Variants in LSAMP observed in about 807,000 individuals in gnomAD.
LSAMP encodes the protein limbic system-associated membrane protein.
Under a neutral mutation model 38.6 loss-of-function variants are expected in LSAMP, and 7 were observed. The ratio of observed to expected loss-of-function variants is 0.18; its 90% confidence interval spans 0.10 to 0.34. The LOEUF (loss-of-function observed/expected upper bound fraction) is 0.34. Ranked by LOEUF, LSAMP falls within the 10% of genes least tolerant of loss-of-function variation. LSAMP has a pLI of 1.00. For missense variants in LSAMP, 313 were observed against 420.0 expected, an observed-to-expected ratio of 0.75 and a Z score of 2.23; for synonymous variants, 154 against 166.8, an observed-to-expected ratio of 0.92 and a Z score of 0.59.
At position 116,325,580 on chromosome 3, in the gene LSAMP, T is replaced by C. The variant is rs180817824; in HGVS notation, c.155+119297A>G. ...GAACTTCCAAAGCTGAAATGACATA[T>C]ATAACAGGAACAAACAGAAGATCTC... On this transcript the variant is annotated intron_variant, in intron 1 of 6. Coordinates refer to ENST00000490035, the MANE Select transcript of LSAMP (RefSeq NM_002338.5). Among the ~76,000 whole-genome samples the C allele has an allele frequency of 2.3e-3, 345 of 152,290 alleles. 2 individuals are homozygous for C. The highest frequency in any genetic ancestry group is 3.8e-3 in the Non-Finnish European group (261 of 68,012).
Position 116,327,447 on chromosome 3 carries a change from G to C in LSAMP, c.155+117430C>G, listed in dbSNP as rs192507011. On this transcript the variant is annotated intron_variant, in intron 1 of 6. Transcript: ENST00000490035. Reference sequence around the variant, plus strand: ...CTTCACCAAAACATTACCTTCTTCAGGATTTTATCCTCTAAATCTCTGTTA... The same window carrying C: ...CTTCACCAAAACATTACCTTCTTCACGATTTTATCCTCTAAATCTCTGTTA... Among the ~76,000 whole-genome samples, 589 of 151,894 alleles carry C rather than the reference G, an allele frequency of 3.9e-3. 4 individuals are homozygous for C. Among genetic ancestry groups the C allele is most frequent in the African/African-American group, 0.013 (558 of 41,422 alleles).
At chr3:116,303,235 T>G (rs2047438266) in intron 1 of LSAMP, among the ~76,000 whole-genome samples, 1 of 152,186 alleles carries the variant, frequency 6.6e-6, no homozygotes, top group South Asian at 2.1e-4. Context: ...TTACTTCCTA[T>G]AGAAGATATT....
chr3:116,366,802 A>G (rs973214601), intron 1 of LSAMP, among the ~76,000 whole-genome samples: 1 of 152,170 alleles, frequency 6.6e-6, no homozygotes, highest in Non-Finnish European at 1.5e-5. Flanking sequence ...GCTATGTACA[A>G]AAGAGAAGGG....
intron 3 of LSAMP, among the ~76,000 whole-genome samples, chr3:115,854,276 A>ATTTTTTT (rs1272758193): frequency 1.4e-4 from 17 of 119,596 alleles, no homozygotes; most frequent in Non-Finnish European, 2.2e-4. Context: ...TATTATTATT[A>ATTTTTTT]TTATTATTTT....
At chr3:116,226,051 C>T (rs539452055) in intron 1 of LSAMP, among the ~76,000 whole-genome samples, 3 of 152,180 alleles carry the variant, frequency 2.0e-5, no homozygotes, top group African/African-American at 7.2e-5. Flanking sequence ...CTTCCTTTTC[C>T]TCAGGTTAAA....
At chr3:115,986,770 T>C (rs981590333) in intron 3 of LSAMP, among the ~76,000 whole-genome samples, 27 of 152,012 alleles carry the variant, frequency 1.8e-4, no homozygotes, top group Admixed American at 1.8e-3. Flanking sequence ...CACCACTAGG[T>C]GGGAGGAGGG....
intron 2 of LSAMP, among the ~76,000 whole-genome samples, chr3:116,075,138 A>ATT (rs71297430): frequency 0.25 from 29,993 of 118,118 alleles, 3,961 homozygotes; most frequent in Admixed American, 0.29. Context: ...GCACCCAGCC[A>ATT]TTTTTTTTTT....
chr3:115,961,360 A>G lies in LSAMP; in HGVS notation c.514+58155T>C, dbSNP rs980902058. Among the ~76,000 whole-genome samples the G allele has an allele frequency of 2.0e-4, 31 of 152,182 alleles. 1 individual carries two copies. Among genetic ancestry groups the G allele is most frequent in the African/African-American group, 7.2e-4 (30 of 41,434 alleles). On this transcript the variant is annotated intron_variant, in intron 3 of 6. Transcript: ENST00000490035. ...ATGGAGAAACTGGAGGACACTGCCA[A>G]TTCTCCTCTTCTCCCAGGATGAGCT... is the stretch of plus-strand genomic sequence containing the variant.
At chr3:116,135,731 G>A (rs1486980437) in intron 1 of LSAMP, among the ~76,000 whole-genome samples, 1 of 152,176 alleles carries the variant, frequency 6.6e-6, no homozygotes, top group African/African-American at 2.4e-5. Flanking sequence ...GATTACATTA[G>A]TGGTACCTCC....
chr3:116,245,736 T>C (rs1479553721), intron 1 of LSAMP, among the ~76,000 whole-genome samples: 1 of 152,216 alleles, frequency 6.6e-6, no homozygotes, highest in African/African-American at 2.4e-5. Context: ...ATAGCCACTT[T>C]CTTGGAAATT....
At chr3:116,401,150 A>G (rs1377666385) in intron 1 of LSAMP, among the ~76,000 whole-genome samples, 1 of 152,210 alleles carries the variant, frequency 6.6e-6, no homozygotes, top group Non-Finnish European at 1.5e-5. Context: ...ATCCCTCTGT[A>G]CTTTACCATG....
intron 1 of LSAMP, among the ~76,000 whole-genome samples, chr3:116,342,451 A>G (rs943219068): frequency 1.3e-5 from 2 of 152,124 alleles, no homozygotes; most frequent in Non-Finnish European, 2.9e-5. Flanking sequence ...AGTATATTAG[A>G]TAACAGTTTA....
chr3:115,907,528 T>C (rs1937037438), intron 3 of LSAMP, among the ~76,000 whole-genome samples: 1 of 152,118 alleles, frequency 6.6e-6, no homozygotes. Context: ...CTGTTGTTTG[T>C]AAATCACCCA....
intron 2 of LSAMP, among the ~76,000 whole-genome samples, chr3:116,063,387 T>C (rs1440469203): frequency 1.3e-5 from 2 of 152,072 alleles, no homozygotes; most frequent in African/African-American, 2.4e-5. Context: ...GAAAAAGAGA[T>C]TTATTCTCAT....
chr3:116,373,262 A>G (rs773479051), intron 1 of LSAMP, among the ~76,000 whole-genome samples: 8 of 151,446 alleles, frequency 5.3e-5, no homozygotes, highest in African/African-American at 9.7e-5. Context: ...ATGAAATATG[A>G]TTCAAACTTA....
At chr3:116,339,772 G>T (rs1011392078) in intron 1 of LSAMP, among the ~76,000 whole-genome samples, 2 of 151,978 alleles carry the variant, frequency 1.3e-5, no homozygotes, top group African/African-American at 4.8e-5. Flanking sequence ...AAGCATTTTG[G>T]CTGACTTCCC....
At chr3:115,901,975 T>C (rs1936886682) in intron 3 of LSAMP, among the ~76,000 whole-genome samples, 1 of 151,892 alleles carries the variant, frequency 6.6e-6, no homozygotes, top group African/African-American at 2.4e-5. Flanking sequence ...TGATAAAATT[T>C]AACTAGATAA....
At position 116,273,493 on chromosome 3, in the gene LSAMP, G is replaced by C. The variant is rs537097995; in HGVS notation, c.155+171384C>G. Among the ~76,000 whole-genome samples the C allele has an allele frequency of 2.6e-5, 4 of 151,092 alleles. No individual in the cohort carries two copies. In the East Asian group the frequency reaches 7.8e-4, roughly 29 times the overall value. On this transcript the variant is annotated intron_variant, in intron 1 of 6. Transcript: ENST00000490035. ...GTAGTCTTAGTCCAAGAAAGAAAAAGGAAATTAAACAACGAAACAACTTTA... is the reference window on the plus strand; with the variant it reads ...GTAGTCTTAGTCCAAGAAAGAAAAACGAAATTAAACAACGAAACAACTTTA...
At position 115,968,937 on chromosome 3, in the gene LSAMP, G is replaced by T. The variant is rs1035270765; in HGVS notation, c.514+50578C>A. The stretch of plus-strand genomic sequence containing the variant: ...CTAAATGCTCCCTCCAGCAGCACTG[G>T]CTGGGGTCTACCCAGTCTTGCTTTC... On this transcript the variant is annotated intron_variant, in intron 3 of 6. Coordinates refer to ENST00000490035, the MANE Select transcript of LSAMP (RefSeq NM_002338.5). 4.6e-5 allele frequency among the ~76,000 whole-genome samples: 7 copies of T among 152,148 alleles called. No individual in the cohort carries two copies. The South Asian group carries it at 8.3e-4, about 18-fold the overall frequency.
Sources: gnomAD v4.1 joint callset for allele counts (sites outside exome capture counted in the v4.1 genomes callset) on GRCh38, gnomAD v4.1.1 for gene constraint, MANE v1.5 for transcripts, NCBI Gene and HGNC (gene_info 2026-07-23, HGNC 2026-07-21) for gene names.